Variants in CYTH4 observed in about 807,000 individuals in gnomAD.
CYTH4 encodes cytohesin 4, also known as cytohesin-4.
Under a neutral mutation model 57.5 loss-of-function variants are expected in CYTH4, and 22 were observed. That is an observed-to-expected ratio of 0.38 (90% CI 0.27 to 0.55). The LOEUF (loss-of-function observed/expected upper bound fraction) is 0.55. CYTH4 is among the 20% of genes least tolerant of loss of function. The pLI is 0.74. For synonymous variants in CYTH4, 186 were observed against 206.5 expected, an observed-to-expected ratio of 0.90 and a Z score of 0.85; for missense variants, 420 against 535.6, an observed-to-expected ratio of 0.78 and a Z score of 2.13.
chr22:37,297,481 C>A, intron 4 of CYTH4, 83 bp from the exon 5 acceptor site: 2 of 1,238,796 alleles, frequency 1.6e-6, no homozygotes, highest in Non-Finnish European at 1.2e-6. Flanking sequence ...AGGATTCTGG[C>A]CATGGAAGCT....
chr22:37,292,119 G>T (rs1040757399), intron 1 of CYTH4: 2 of 153,288 alleles, frequency 1.3e-5, no homozygotes, highest in African/African-American at 4.8e-5. Flanking sequence ...CTACATTCTG[G>T]CCAATGGGAT....
rs138472941 is a variant in CYTH4, at chr22:37,310,983, C to T, written c.809-5C>T. The T allele has an allele frequency of 9.2e-5, 148 of 1,614,004 alleles. No homozygotes were observed. The African/African-American group carries it at 1.7e-3, about 19-fold the overall frequency. Reference sequence around the variant, plus strand: ...TGACCAGCTTGCTACATTGGCCTTGCGCAGGGGGCCGCGTGAAGACGTGGA... The same window carrying T: ...TGACCAGCTTGCTACATTGGCCTTGTGCAGGGGGCCGCGTGAAGACGTGGA... On this transcript the variant is annotated splice_polypyrimidine_tract_variant and splice_region_variant and intron_variant, in intron 9 of 12. Transcript: ENST00000248901.
chr22:37,294,285 G>A (rs1323763757), intron 2 of CYTH4, among the ~76,000 whole-genome samples: 1 of 149,580 alleles, frequency 6.7e-6, no homozygotes, highest in Non-Finnish European at 1.5e-5. Context: ...GAGGTGGGCA[G>A]TGGGGAGGCC....
chr22:37,309,803 G>A (rs1179939479), intron 9 of CYTH4, among the ~76,000 whole-genome samples: 1 of 152,208 alleles, frequency 6.6e-6, no homozygotes, highest in Non-Finnish European at 1.5e-5. Context: ...TAAAGGAGGG[G>A]AGGAAGGATG....
At chr22:37,291,176 C>T (rs994127803) in intron 1 of CYTH4, among the ~76,000 whole-genome samples, 1 of 152,188 alleles carries the variant, frequency 6.6e-6, no homozygotes, top group African/African-American at 2.4e-5. Context: ...ATAACAGCAA[C>T]CGAAACATTC....
At position 37,298,506 on chromosome 22, in the gene CYTH4, G is replaced by C. The variant is rs1182390988; in HGVS notation, c.354-720G>C. The C allele has an allele frequency of 6.5e-6, 1 of 154,246 alleles. No homozygotes were observed. Among genetic ancestry groups the C allele is most frequent in the South Asian group, 1.9e-4 (1 of 5,374 alleles). The allele number at this position is 154,246 out of a possible 1,614,324, so 9.6% of individuals were successfully genotyped here. On this transcript the variant is annotated intron_variant, in intron 5 of 12. Transcript: ENST00000248901. The surrounding 1 kb of genome is among the most constrained non-coding windows in gnomAD (Gnocchi z 4.1). ...GGTGACATTTGACCAAAACGTAAAA[G>C]AGGTGAGGGCATGAGCAGTACAGAC...
At chr22:37,302,039 GTCT>G (rs1279298952) in intron 7 of CYTH4, 1 of 169,040 alleles carries the variant, frequency 5.9e-6, no homozygotes, top group Non-Finnish European at 1.5e-5. Context: ...GAGGTCAGTA[GTCT>G]TCTTATCCCT....
chr22:37,294,920 G>C (rs1346182969), intron 3 of CYTH4, among the ~76,000 whole-genome samples, 196 bp downstream of exon 3: 1 of 152,160 alleles, frequency 6.6e-6, no homozygotes, highest in Non-Finnish European at 1.5e-5. Flanking sequence ...CTGCTCCCAG[G>C]CTGACCCTCT....
Position 37,297,554 on chromosome 22 carries a change from C to A in CYTH4, c.235-10C>A, listed in dbSNP as rs763929744. Reference sequence around the variant, plus strand: ...AGCAGCTGCTCACGGCTTCTGTGTACCCCCTCCAGGGTATCCAGTATTTCA... The same window carrying A: ...AGCAGCTGCTCACGGCTTCTGTGTAACCCCTCCAGGGTATCCAGTATTTCA... On this transcript the variant is annotated splice_polypyrimidine_tract_variant and intron_variant, in intron 4 of 12. Transcript: ENST00000248901. The A allele has an allele frequency of 6.2e-7, 1 of 1,611,684 alleles. No individual in the cohort carries two copies. The highest frequency in any genetic ancestry group is 8.5e-7 in the Non-Finnish European group (1 of 1,178,304).
At chr22:37,293,477 G>A (rs138181092) in intron 2 of CYTH4, among the ~76,000 whole-genome samples, 3 of 152,206 alleles carry the variant, frequency 2.0e-5, no homozygotes, top group Non-Finnish European at 2.9e-5. Context: ...TCCCCAGCCC[G>A]CTGGGTGCAG....
At chr22:37,305,265 G>A (rs1929352532) in intron 8 of CYTH4, among the ~76,000 whole-genome samples, 1 of 152,180 alleles carries the variant, frequency 6.6e-6, no homozygotes, top group South Asian at 2.1e-4. Flanking sequence ...CATTTGTATG[G>A]AACTTGTAAG....
chr22:37,284,376 C>A (rs1415827544), intron 1 of CYTH4, among the ~76,000 whole-genome samples: 1 of 152,132 alleles, frequency 6.6e-6, no homozygotes, highest in East Asian at 1.9e-4. Flanking sequence ...TCCTGCAGGA[C>A]CCTGACCCAG....
rs879219004 is a variant in CYTH4 at position 37,287,422 on chromosome 22, G to A, written c.19+4834G>A. On this transcript the variant is annotated intron_variant, in intron 1 of 12. Coordinates refer to ENST00000248901, the MANE Select transcript of CYTH4 (RefSeq NM_013385.5). ...AGCCTCCTCCAGCAGGTGCGCCCTGGGCAGAAACACAACCCCAAGCCAACA... is the reference window on the plus strand; with the variant it reads ...AGCCTCCTCCAGCAGGTGCGCCCTGAGCAGAAACACAACCCCAAGCCAACA... Among the ~76,000 whole-genome samples the A allele has an allele frequency of 2.6e-5, 4 of 152,110 alleles. No individual in the cohort carries two copies. In the South Asian group the frequency reaches 8.3e-4, roughly 32 times the overall value.
chr22:37,286,224 A>T (rs552552310), intron 1 of CYTH4, among the ~76,000 whole-genome samples: 30 of 152,318 alleles, frequency 2.0e-4, no homozygotes, highest in African/African-American at 6.5e-4. Flanking sequence ...TGGAGAGATC[A>T]GCCTTCGGAA....
At chr22:37,291,912 C>G (rs950811403) in intron 1 of CYTH4, among the ~76,000 whole-genome samples, 1 of 152,216 alleles carries the variant, frequency 6.6e-6, no homozygotes, top group African/African-American at 2.4e-5. Flanking sequence ...CAGCCCAATT[C>G]AAGGTCCCAT....
At chr22:37,294,778 T>C in intron 3 of CYTH4, 54 bp downstream of exon 3, 1 of 1,595,722 alleles carries the variant, frequency 6.3e-7, no homozygotes, top group Non-Finnish European at 8.6e-7. Flanking sequence ...TTCCCAAGGA[T>C]GTCATACACC....
intron 1 of CYTH4, among the ~76,000 whole-genome samples, chr22:37,289,190 T>G (rs1001841426): frequency 6.6e-6 from 1 of 152,218 alleles, no homozygotes; most frequent in African/African-American, 2.4e-5. Flanking sequence ...CACGGGGTCA[T>G]CCACCTGCCT....
chr22:37,289,985 T>G (rs955489510), intron 1 of CYTH4, among the ~76,000 whole-genome samples: 7 of 152,166 alleles, frequency 4.6e-5, no homozygotes, highest in Non-Finnish European at 1.0e-4. Flanking sequence ...TTATTTAGTC[T>G]CTTCGCTGTG....
At position 37,311,659 on chromosome 22, in the gene CYTH4, A is replaced by G; in HGVS notation, c.957+132A>G. 1 of 908,172 alleles carries G rather than the reference A, an allele frequency of 1.1e-6. No individual in the cohort carries two copies. Among genetic ancestry groups the G allele is most frequent in the East Asian group, 2.5e-5 (1 of 39,900 alleles). The allele number at this position is 908,172 out of a possible 1,614,324, so 56.3% of individuals were successfully genotyped here. ...GCCCCTTACACCTTCCCTGTGGCTCAGGGCTGCCTTCTCTCCCTCCTGGGG... is the reference window on the plus strand; with the variant it reads ...GCCCCTTACACCTTCCCTGTGGCTCGGGGCTGCCTTCTCTCCCTCCTGGGG... On this transcript the variant is annotated intron_variant, in intron 11 of 12. Transcript: ENST00000248901. This position sits in a 1 kb window ranked among gnomAD's most constrained non-coding sequence, Gnocchi z 4.4.
Sources: allele counts gnomAD v4.1 joint callset (sites outside exome capture counted in the v4.1 genomes callset), GRCh38; gene constraint gnomAD v4.1.1; non-coding constraint Gnocchi (gnomAD v3.1); transcripts MANE v1.5; gene names NCBI Gene and HGNC (gene_info 2026-07-23, HGNC 2026-07-21).